Variants in DNAH3 observed in about 807,000 individuals in gnomAD.
DNAH3 encodes axonemal beta dynein heavy chain 3.
Under a neutral mutation model 432.5 loss-of-function variants are expected in DNAH3, and 332 were observed. The observed-to-expected ratio is 0.77, with a 90% confidence interval of 0.70 to 0.84. DNAH3 has a LOEUF of 0.84. DNAH3 is among the 40% of genes least tolerant of loss of function. The pLI, the probability that DNAH3 is intolerant of heterozygous loss-of-function variation, is 0.00. For synonymous variants in DNAH3, 1,956 were observed against 1,900.2 expected, an observed-to-expected ratio of 1.03 and a Z score of -0.76; for missense variants, 4,861 against 5,114.0, an observed-to-expected ratio of 0.95 and a Z score of 1.51.
At chr16:21,135,229 G>C (rs903821218) in intron 6 of DNAH3, among the ~76,000 whole-genome samples, 4 of 152,138 alleles carry the variant, frequency 2.6e-5, no homozygotes, top group Non-Finnish European at 5.9e-5. Context: ...TAACTCATTA[G>C]TCACTGATTG....
chr16:21,058,539 A>G (rs76422834), intron 26 of DNAH3, among the ~76,000 whole-genome samples: 3,222 of 152,128 alleles, frequency 0.021, 121 homozygotes, highest in African/African-American at 0.073. Context: ...CTGAGTCACA[A>G]TTTTTTTAGC....
At chr16:21,063,674 C>A (rs1376940921) in intron 24 of DNAH3, among the ~76,000 whole-genome samples, 1 of 151,994 alleles carries the variant, frequency 6.6e-6, no homozygotes, top group Non-Finnish European at 1.5e-5. Flanking sequence ...TCCCGAGTAG[C>A]TGGGACTACA....
At chr16:21,058,825 T>C (rs1329953653) in intron 26 of DNAH3, among the ~76,000 whole-genome samples, 1 of 147,922 alleles carries the variant, frequency 6.8e-6, no homozygotes, top group Non-Finnish European at 1.5e-5. Context: ...CATCACACAC[T>C]GGGGCCTGTT....
chr16:21,099,689 A>G (rs16970877), intron 16 of DNAH3, among the ~76,000 whole-genome samples: 5,475 of 152,300 alleles, frequency 0.036, 173 homozygotes, highest in East Asian at 0.17. Flanking sequence ...TGCCAGCTTA[A>G]TAGTTAAAGT....
At position 20,950,455 on chromosome 16, in the gene DNAH3, A is replaced by G. The variant is rs426918; in HGVS notation, c.11189-1818T>C. ...ATGACATCCAAAACCATCTCCAGAC[A>G]TTGCCAAATAGCCACTGGGGGCTGA... On this transcript the variant is annotated intron_variant, in intron 56 of 61. Coordinates refer to ENST00000261383, the Ensembl canonical transcript of DNAH3. 9.2e-3 allele frequency among the ~76,000 whole-genome samples: 1,402 copies of G among 152,260 alleles called. 24 individuals are homozygous for G. The highest frequency in any genetic ancestry group is 0.031 in the African/African-American group (1,298 of 41,546).
chr16:21,041,966 C>A, intron 32 of DNAH3, 61 bp downstream of exon 32: 2 of 1,597,728 alleles, frequency 1.3e-6, no homozygotes, highest in African/African-American at 1.3e-5. Flanking sequence ...AGCCGCCACA[C>A]CCGGCCCAGA....
intron 39 of DNAH3, 29 bp from the exon 40 acceptor site, chr16:21,022,129 G>C: frequency 6.2e-7 from 1 of 1,612,556 alleles, no homozygotes; most frequent in South Asian, 1.1e-5. Flanking sequence ...ATGAGACTTG[G>C]AGACATGATC....
chr16:20,933,274 TCCTCTGCGGGCA>T, exon 62 of DNAH3: 1 of 1,614,142 alleles, frequency 6.2e-7, no homozygotes, highest in Non-Finnish European at 8.5e-7. Context: ...TGGAGAGGGT[TCCTCTGCGGGCA>T]CTTGTTTTGT....
At chr16:21,092,126 C>T (rs2091553271) in intron 18 of DNAH3, among the ~76,000 whole-genome samples, 4 of 152,108 alleles carry the variant, frequency 2.6e-5, no homozygotes, top group Admixed American at 2.6e-4. Context: ...CTAAAATTTA[C>T]ACAGAGAAGT....
intron 28 of DNAH3, among the ~76,000 whole-genome samples, chr16:21,053,877 A>G (rs1219528492): frequency 6.6e-6 from 1 of 151,322 alleles, no homozygotes; most frequent in Non-Finnish European, 1.5e-5. Context: ...TTAAAGGAGG[A>G]GCTGGAAGGC....
intron 53 of DNAH3, among the ~76,000 whole-genome samples, chr16:20,960,484 G>T (rs1187412699): frequency 6.6e-6 from 1 of 152,168 alleles, no homozygotes; most frequent in African/African-American, 2.4e-5. Context: ...TCAGGAATTC[G>T]AGACCAGCAT....
At chr16:21,092,112 G>A (rs996785275) in intron 18 of DNAH3, among the ~76,000 whole-genome samples, 30 of 152,248 alleles carry the variant, frequency 2.0e-4, no homozygotes, top group African/African-American at 6.5e-4. Context: ...TTGACAAGCC[G>A]ATTCTAAAAT....
chr16:21,124,710 C>T (rs1050316740), intron 9 of DNAH3, among the ~76,000 whole-genome samples: 12 of 151,502 alleles, frequency 7.9e-5, no homozygotes, highest in South Asian at 2.1e-4. Context: ...AGTGCAATGG[C>T]GCGATCTGGT....
At chr16:21,044,883 AG>A (rs1254680981) in intron 31 of DNAH3, among the ~76,000 whole-genome samples, 5 of 128,262 alleles carry the variant, frequency 3.9e-5, no homozygotes, top group African/African-American at 6.0e-5. Context: ...TTTAGCATGA[AG>A]GGTTGTTGAA....
intron 26 of DNAH3, 131 bp from the exon 27 acceptor site, chr16:21,058,327 G>A (rs2090208434): frequency 1.9e-6 from 1 of 527,380 alleles, no homozygotes; most frequent in Non-Finnish European, 3.4e-6. Context: ...GACGCTACAA[G>A]GCTTGACATC....
chr16:21,109,953 A>G (rs898836636), intron 14 of DNAH3, among the ~76,000 whole-genome samples: 4 of 152,066 alleles, frequency 2.6e-5, no homozygotes, highest in Admixed American at 2.0e-4. Context: ...CATGTTGCCC[A>G]GGCTGGTCTT....
intron 7 of DNAH3, among the ~76,000 whole-genome samples, chr16:21,128,097 G>A (rs895543653): frequency 6.6e-6 from 1 of 152,058 alleles, no homozygotes; most frequent in Non-Finnish European, 1.5e-5. Flanking sequence ...AAGTGGGGCT[G>A]TGGCACCAGC....
chr16:21,082,700 G>T (rs775030586), intron 19 of DNAH3, among the ~76,000 whole-genome samples: 1 of 151,856 alleles, frequency 6.6e-6, no homozygotes, highest in Non-Finnish European at 1.5e-5. Flanking sequence ...ACGGTGGCAG[G>T]TGCCTGCAAT....
intron 54 of DNAH3, among the ~76,000 whole-genome samples, chr16:20,958,161 T>G (rs1194718207): frequency 1.3e-5 from 2 of 151,116 alleles, no homozygotes; most frequent in African/African-American, 4.9e-5. Context: ...CAGGCTCGAC[T>G]TCTCAGGCTC....
Sources: allele counts gnomAD v4.1 joint callset (sites outside exome capture counted in the v4.1 genomes callset), GRCh38; gene constraint gnomAD v4.1.1; transcripts MANE v1.5; gene names NCBI Gene and HGNC (gene_info 2026-07-23, HGNC 2026-07-21).